SH3KBP1: variants seen among roughly 807,000 people sequenced by gnomAD.
SH3KBP1 encodes the protein SH3 domain containing kinase binding protein 1.
Under a neutral mutation model 50.1 loss-of-function variants are expected in SH3KBP1, and 8 were observed. The observed-to-expected ratio is 0.16, with a 90% confidence interval of 0.09 to 0.29. The LOEUF (loss-of-function observed/expected upper bound fraction) is 0.29, where lower values mean the gene tolerates loss of function less well. SH3KBP1 is among the 10% of genes least tolerant of loss of function. SH3KBP1 has a pLI of 1.00. For synonymous variants in SH3KBP1, 227 were observed against 218.6 expected (o/e 1.04, Z -0.34); for missense variants, 377 against 535.2 (o/e 0.70, Z 2.92).
intron 3 of SH3KBP1, among the ~76,000 whole-genome samples, chrX:19,745,441 T>A (rs1471136558): frequency 8.9e-6 from 1 of 112,478 alleles, no homozygotes; most frequent in Non-Finnish European, 1.9e-5. Flanking sequence ...AGATTAGCTG[T>A]TCTTCCTCCC....
At chrX:19,616,254 G>A (rs2067609618) in intron 8 of SH3KBP1, among the ~76,000 whole-genome samples, 1 of 111,748 alleles carries the variant, frequency 8.9e-6, no homozygotes, top group South Asian at 3.7e-4. Context: ...GAGCCACCAC[G>A]CCTGACTGGC....
At chrX:19,608,306 CTTTTTTT>C (rs57794070) in intron 8 of SH3KBP1, among the ~76,000 whole-genome samples, 2 of 87,296 alleles carry the variant, frequency 2.3e-5, no homozygotes, top group Non-Finnish European at 4.4e-5. Flanking sequence ...TTCTTTCTTT[CTTTTTTT>C]TTTTTTTTTT....
At chrX:19,576,173 C>T (rs1023094366) in intron 12 of SH3KBP1, among the ~76,000 whole-genome samples, 3 of 111,465 alleles carry the variant, frequency 2.7e-5, no homozygotes, top group Non-Finnish European at 5.6e-5. Context: ...TAGCAGTTTT[C>T]GTTATGGACA....
chrX:19,546,595 C>T (rs1332726483), intron 14 of SH3KBP1, among the ~76,000 whole-genome samples: 1 of 112,121 alleles, frequency 8.9e-6, no homozygotes, highest in Non-Finnish European at 1.9e-5. Context: ...AAACCATTTC[C>T]AGGGATAAGG....
chrX:19,705,451 C>G (rs1234841864), intron 4 of SH3KBP1, among the ~76,000 whole-genome samples: 1 of 111,658 alleles, frequency 9.0e-6, no homozygotes, highest in East Asian at 2.8e-4. Flanking sequence ...GTCATTCTAC[C>G]ACCGAAATAA....
intron 13 of SH3KBP1, among the ~76,000 whole-genome samples, chrX:19,565,165 G>T (rs1363743571): frequency 9.8e-6 from 1 of 102,308 alleles, no homozygotes; most frequent in South Asian, 4.6e-4. Flanking sequence ...GGGTTCAAGC[G>T]ATTCTCCTGC....
chrX:19,651,729 T>A (rs1370135492), intron 6 of SH3KBP1, among the ~76,000 whole-genome samples: 5 of 111,382 alleles, frequency 4.5e-5, no homozygotes, highest in Non-Finnish European at 7.5e-5. Context: ...GGGCATTGGC[T>A]CACACCTGTA....
chrX:19,764,357 C>T (rs760212747), intron 2 of SH3KBP1, among the ~76,000 whole-genome samples: 17 of 111,493 alleles, frequency 1.5e-4, no homozygotes, highest in Non-Finnish European at 3.0e-4. Context: ...GTTAACAGGT[C>T]ATGACTAAAT....
At chrX:19,611,715 G>A (rs1292570111) in intron 8 of SH3KBP1, among the ~76,000 whole-genome samples, 6 of 110,882 alleles carry the variant, frequency 5.4e-5, no homozygotes, top group Non-Finnish European at 1.1e-4. Context: ...GACATTGTAT[G>A]TCTCATATTT....
At chrX:19,811,307 G>A (rs760266148) in intron 2 of SH3KBP1, among the ~76,000 whole-genome samples, 5 of 112,113 alleles carry the variant, frequency 4.5e-5, no homozygotes, top group Middle Eastern at 9.2e-3. Context: ...TGAGGGTCCC[G>A]ATATTACAAT....
chrX:19,785,346 G>A (rs1302809229), intron 2 of SH3KBP1, among the ~76,000 whole-genome samples: 1 of 105,721 alleles, frequency 9.5e-6, no homozygotes, highest in African/African-American at 3.6e-5. Flanking sequence ...GGTGAAACCC[G>A]GTCTCTACAA....
intron 13 of SH3KBP1, among the ~76,000 whole-genome samples, chrX:19,567,518 C>CAAA (rs869158450): frequency 1.4e-4 from 1 of 7,272 alleles, no homozygotes; most frequent in African/African-American, 5.6e-4. Flanking sequence ...GACTCCATCT[C>CAAA]AAAAAAAAAA....
chrX:19,749,073 C>G (rs950383443), intron 2 of SH3KBP1, among the ~76,000 whole-genome samples: 3 of 112,325 alleles, frequency 2.7e-5, no homozygotes, highest in African/African-American at 9.7e-5. Context: ...TAGGGAAATG[C>G]AAATGAAAAC....
At chrX:19,545,593 C>G (rs1457310129) in intron 15 of SH3KBP1, among the ~76,000 whole-genome samples, 1 of 111,990 alleles carries the variant, frequency 8.9e-6, no homozygotes, top group African/African-American at 3.3e-5. Context: ...TGTCTTCTCT[C>G]TAGACGTCTC....
chrX:19,694,896 A>G (rs1485540091), intron 5 of SH3KBP1: 23 of 734,995 alleles, frequency 3.1e-5, no homozygotes, highest in Non-Finnish European at 4.5e-5. Flanking sequence ...GCCTCCTACA[A>G]CATTCATGCC....
chrX:19,554,470 C>T (rs941102454), intron 13 of SH3KBP1, among the ~76,000 whole-genome samples: 6 of 104,938 alleles, frequency 5.7e-5, no homozygotes, highest in East Asian at 2.9e-4. Context: ...GGTACAATCG[C>T]GGCTCACTGC....
intron 2 of SH3KBP1, among the ~76,000 whole-genome samples, chrX:19,778,614 T>G (rs1401470920): frequency 9.1e-6 from 1 of 110,091 alleles, no homozygotes; most frequent in African/African-American, 3.3e-5. Flanking sequence ...CCAGTAAATA[T>G]TCAAGAGACT....
At chrX:19,583,982 CTAAA>C (rs1347724579) in intron 12 of SH3KBP1, among the ~76,000 whole-genome samples, 2 of 90,048 alleles carry the variant, frequency 2.2e-5, no homozygotes, top group East Asian at 3.2e-4. Flanking sequence ...TGATATATTT[CTAAA>C]TATTTATATT....
chrX:19,594,279 T>C (rs755880740), intron 10 of SH3KBP1, among the ~76,000 whole-genome samples: 3 of 112,078 alleles, frequency 2.7e-5, no homozygotes, highest in East Asian at 2.8e-4. Flanking sequence ...CCGGGAAATA[T>C]GAAATATCTT....
Sources: allele counts gnomAD v4.1 joint callset (sites outside exome capture counted in the v4.1 genomes callset), GRCh38; gene constraint gnomAD v4.1.1; transcripts MANE v1.5; gene names NCBI Gene and HGNC (gene_info 2026-07-23, HGNC 2026-07-21).